ZCCHC7: variants seen among roughly 807,000 people sequenced by gnomAD.
ZCCHC7 encodes zinc finger CCHC domain-containing protein 7.
Under a neutral mutation model 52.0 loss-of-function variants are expected in ZCCHC7, and 35 were observed. The ratio of observed to expected loss-of-function variants is 0.67; its 90% confidence interval spans 0.51 to 0.89. The LOEUF is 0.89. Ranked by LOEUF, ZCCHC7 falls within the 40% of genes least tolerant of loss-of-function variation. The pLI, the probability that ZCCHC7 is intolerant of heterozygous loss-of-function variation, is 0.00. For missense variants in ZCCHC7, 574 were observed against 649.1 expected, an observed-to-expected ratio of 0.88 and a Z score of 1.26; for synonymous variants, 217 against 221.5, an observed-to-expected ratio of 0.98 and a Z score of 0.18.
At chr9:37,138,308 A>G (rs192566929) in intron 2 of ZCCHC7, among the ~76,000 whole-genome samples, 31 of 152,308 alleles carry the variant, frequency 2.0e-4, no homozygotes, top group Admixed American at 1.1e-3. Flanking sequence ...ATTGTTCAGC[A>G]GAATGAAAAT....
At chr9:37,200,142 TTC>T (rs1379449333) in intron 2 of ZCCHC7, among the ~76,000 whole-genome samples, 1 of 152,206 alleles carries the variant, frequency 6.6e-6, no homozygotes, top group Non-Finnish European at 1.5e-5. Context: ...CCTTTGTGTT[TTC>T]TCTGTTACTT....
At chr9:37,265,217 G>A (rs1827044741) in intron 2 of ZCCHC7, among the ~76,000 whole-genome samples, 1 of 152,080 alleles carries the variant, frequency 6.6e-6, no homozygotes, top group Non-Finnish European at 1.5e-5. Flanking sequence ...TTTTACATTT[G>A]CCTTCTCCTT....
At chr9:37,273,459 C>T (rs1305677941) in intron 2 of ZCCHC7, among the ~76,000 whole-genome samples, 2 of 152,214 alleles carry the variant, frequency 1.3e-5, no homozygotes, top group Middle Eastern at 3.4e-3. Context: ...GCTGAGATCG[C>T]GCCACTGCAC....
At chr9:37,163,725 T>C (rs562587927) in intron 2 of ZCCHC7, among the ~76,000 whole-genome samples, 14 of 152,326 alleles carry the variant, frequency 9.2e-5, no homozygotes, top group African/African-American at 2.9e-4. Context: ...GGATCATGCT[T>C]TTGGGGTTGA....
At chr9:37,271,769 C>G (rs1827426354) in intron 2 of ZCCHC7, among the ~76,000 whole-genome samples, 1 of 152,098 alleles carries the variant, frequency 6.6e-6, no homozygotes, top group Non-Finnish European at 1.5e-5. Flanking sequence ...GAGGTTTCAC[C>G]ATGTTGGCCA....
chr9:37,263,958 T>A (rs1441991135), intron 2 of ZCCHC7, among the ~76,000 whole-genome samples: 2 of 152,220 alleles, frequency 1.3e-5, no homozygotes. Context: ...TGCCACTTCT[T>A]CCTCCAGCCA....
chr9:37,150,299 G>T (rs1330250086), intron 2 of ZCCHC7, among the ~76,000 whole-genome samples: 5 of 152,146 alleles, frequency 3.3e-5, no homozygotes, highest in Non-Finnish European at 7.4e-5. Flanking sequence ...GTCAAACAAG[G>T]TTCCAAATAT....
rs1232966054 is a variant in ZCCHC7, at chr9:37,304,117, A to G, written c.655-71A>G. 12 of 1,466,362 alleles carry G rather than the reference A, an allele frequency of 8.2e-6. No homozygotes were observed. The African/African-American group carries it at 1.4e-4, about 17-fold the overall frequency. The allele number at this position is 1,466,362 out of a possible 1,614,324, so 90.8% of individuals were successfully genotyped here. The stretch of plus-strand genomic sequence containing the variant: ...CTTTATTTGCTTATAGTTGTCTTTA[A>G]CAAGAGTAGTAGATGGCTTTTATTT... On this transcript the variant is annotated intron_variant, in intron 3 of 8. Transcript: ENST00000336755.
chr9:37,195,238 C>T (rs1392038045), intron 2 of ZCCHC7, among the ~76,000 whole-genome samples: 2 of 152,058 alleles, frequency 1.3e-5, no homozygotes. Context: ...TAAGCCACCG[C>T]GTCCAGCCAG....
chr9:37,348,945 T>C (rs773387557), intron 6 of ZCCHC7, among the ~76,000 whole-genome samples: 88 of 152,348 alleles, frequency 5.8e-4, no homozygotes, highest in Middle Eastern at 3.4e-3. Flanking sequence ...AGGGAAACTT[T>C]CTCTGACCCT....
chr9:37,343,730 C>T (rs1442331043), intron 6 of ZCCHC7, among the ~76,000 whole-genome samples: 2 of 152,176 alleles, frequency 1.3e-5, no homozygotes, highest in African/African-American at 4.8e-5. Flanking sequence ...GTCCTTAATA[C>T]CTACTCATTC....
At chr9:37,312,954 TG>T (rs1269627585) in intron 5 of ZCCHC7, among the ~76,000 whole-genome samples, 2 of 152,134 alleles carry the variant, frequency 1.3e-5, no homozygotes, top group African/African-American at 2.4e-5. Context: ...GTAACTTAGA[TG>T]TGTAAAATCA....
At chr9:37,147,864 A>G (rs1333438823) in intron 2 of ZCCHC7, among the ~76,000 whole-genome samples, 5 of 152,088 alleles carry the variant, frequency 3.3e-5, no homozygotes, top group Non-Finnish European at 7.4e-5. Flanking sequence ...AAAAATCTAC[A>G]TTATAACATA....
intron 2 of ZCCHC7, among the ~76,000 whole-genome samples, chr9:37,171,978 G>T (rs1172887415): frequency 6.6e-6 from 1 of 152,084 alleles, no homozygotes; most frequent in African/African-American, 2.4e-5. Flanking sequence ...TCTTGACCTG[G>T]TTGATTTTTT....
chr9:37,224,374 G>A (rs1210239416), intron 2 of ZCCHC7, among the ~76,000 whole-genome samples: 1 of 152,132 alleles, frequency 6.6e-6, no homozygotes, highest in African/African-American at 2.4e-5. Context: ...TTCAGGTCAT[G>A]TGTGTATATG....
intron 2 of ZCCHC7, among the ~76,000 whole-genome samples, chr9:37,280,934 A>G (rs921772307): frequency 6.6e-6 from 1 of 152,172 alleles, no homozygotes; most frequent in Non-Finnish European, 1.5e-5. Context: ...AAAAAGTAAT[A>G]ATGTGTGATT....
At chr9:37,273,067 T>G (rs1371481138) in intron 2 of ZCCHC7, among the ~76,000 whole-genome samples, 4 of 152,246 alleles carry the variant, frequency 2.6e-5, no homozygotes, top group African/African-American at 9.6e-5. Context: ...TCTGTTTTTA[T>G]AAATAAAACT....
chr9:37,332,684 A>C (rs908327287), intron 6 of ZCCHC7, among the ~76,000 whole-genome samples: 2 of 151,448 alleles, frequency 1.3e-5, no homozygotes, highest in African/African-American at 4.8e-5. Flanking sequence ...TTATCATTGG[A>C]AAATGCAATT....
At chr9:37,154,704 A>G (rs571472880) in intron 2 of ZCCHC7, among the ~76,000 whole-genome samples, 2 of 151,868 alleles carry the variant, frequency 1.3e-5, no homozygotes, top group South Asian at 2.1e-4. Context: ...CATGTTGCCC[A>G]GGCTTGTCTT....
Sources: allele counts gnomAD v4.1 joint callset (sites outside exome capture counted in the v4.1 genomes callset), GRCh38; gene constraint gnomAD v4.1.1; transcripts MANE v1.5; gene names NCBI Gene and HGNC (gene_info 2026-07-23, HGNC 2026-07-21).